NRXN1: variants seen among roughly 807,000 people sequenced by gnomAD.
NRXN1 encodes neurexin-1.
Under a neutral mutation model 150.9 loss-of-function variants are expected in NRXN1, and 39 were observed. The ratio of observed to expected loss-of-function variants is 0.26; its 90% CI spans 0.20 to 0.34. The LOEUF is 0.34. NRXN1 is among the 10% of genes least tolerant of loss of function. The pLI, the probability that NRXN1 is intolerant of heterozygous loss-of-function variation, is 1.00. For synonymous variants in NRXN1, 924 were observed against 757.0 expected, an observed-to-expected ratio of 1.22 and a Z score of -3.62; for missense variants, 1,815 against 1,949.9, an observed-to-expected ratio of 0.93 and a Z score of 1.30.
In NRXN1 at chr2:50,997,511, A is replaced by T. The variant is rs1457638556; in HGVS notation, c.772+29991T>A. 2.6e-5 allele frequency among the ~76,000 whole-genome samples: 3 copies of T among 114,156 alleles called. 1 individual carries two copies. The highest frequency in any genetic ancestry group is 1.5e-4 in the African/African-American group (3 of 20,360). 74.9% of individuals were successfully genotyped at this position (114,156 alleles called of 152,430 possible). ...AAATATTTGAAGGGGAAAACATTTTATTTTATTTATTTTATAGACAGGCTC... is the reference window on the plus strand; with the variant it reads ...AAATATTTGAAGGGGAAAACATTTTTTTTTATTTATTTTATAGACAGGCTC... On this transcript the variant is annotated intron_variant, in intron 2 of 22. Coordinates refer to ENST00000401669, the MANE Select transcript of NRXN1 (RefSeq NM_001330078.2).
intron 16 of NRXN1, among the ~76,000 whole-genome samples, chr2:50,471,337 T>C (rs1007653635): frequency 6.6e-6 from 1 of 151,788 alleles, no homozygotes; most frequent in African/African-American, 2.4e-5. Flanking sequence ...CTCCCACTTA[T>C]AAGTGAGTAA....
At position 50,553,030 on chromosome 2, in the gene NRXN1, G is replaced by A. The variant is rs756193396; in HGVS notation, c.1321-5C>T. 1 of 1,595,408 alleles carries A rather than the reference G, an allele frequency of 6.3e-7. No homozygotes were observed. Among genetic ancestry groups the A allele is most frequent in the Non-Finnish European group, 8.5e-7 (1 of 1,170,802 alleles). ...ATCATTATTTTTATATACAACCTGTGGGCAGAGGATAGCAGTGAGAAACTA... is the reference window on the plus strand; with the variant it reads ...ATCATTATTTTTATATACAACCTGTAGGCAGAGGATAGCAGTGAGAAACTA... On this transcript the variant is annotated splice_region_variant and splice_polypyrimidine_tract_variant and intron_variant, in intron 8 of 22. Transcript: ENST00000401669.
intron 5 of NRXN1, among the ~76,000 whole-genome samples, chr2:50,852,818 G>A (rs1021036481): frequency 6.6e-6 from 1 of 152,056 alleles, no homozygotes; most frequent in Non-Finnish European, 1.5e-5. Context: ...TTAAGAAAAT[G>A]TTCATCTGAA....
intron 15 of NRXN1, among the ~76,000 whole-genome samples, chr2:50,482,948 G>A (rs575294403): frequency 6.6e-6 from 1 of 151,204 alleles, no homozygotes; most frequent in South Asian, 2.1e-4. Flanking sequence ...CTATTTGGGA[G>A]GCTGAGGCAG....
chr2:50,683,502 G>T (rs1368642906), intron 5 of NRXN1, among the ~76,000 whole-genome samples: 1 of 148,174 alleles, frequency 6.7e-6, no homozygotes, highest in Non-Finnish European at 1.5e-5. Context: ...CACAGTGGCG[G>T]GCTCCTGTAG....
intron 2 of NRXN1, among the ~76,000 whole-genome samples, chr2:50,993,115 T>C (rs1698777130): frequency 6.6e-6 from 1 of 151,930 alleles, no homozygotes; most frequent in Non-Finnish European, 1.5e-5. Flanking sequence ...CATACATGTA[T>C]TAGGAGTAAG....
At chr2:50,785,851 G>A (rs1705041928) in intron 5 of NRXN1, among the ~76,000 whole-genome samples, 1 of 151,986 alleles carries the variant, frequency 6.6e-6, no homozygotes, top group South Asian at 2.1e-4. Context: ...AGTTGTGATT[G>A]GATCAGCCAA....
intron 21 of NRXN1, among the ~76,000 whole-genome samples, chr2:49,992,208 G>C (rs942052348): frequency 2.0e-5 from 3 of 152,016 alleles, no homozygotes; most frequent in Non-Finnish European, 2.9e-5. Flanking sequence ...TGATCCATGA[G>C]AGAAATAATT....
chr2:50,873,902 T>C (rs553046962), intron 5 of NRXN1, among the ~76,000 whole-genome samples: 33 of 151,892 alleles, frequency 2.2e-4, no homozygotes, highest in African/African-American at 6.7e-4. Context: ...ATGAAATAAA[T>C]TGCTATTAAT....
chr2:50,326,500 C>T (rs2076393079), intron 17 of NRXN1, among the ~76,000 whole-genome samples: 3 of 152,090 alleles, frequency 2.0e-5, no homozygotes, highest in African/African-American at 7.2e-5. Flanking sequence ...GCTGTAGGCT[C>T]AGGCATATAA....
chr2:50,745,804 G>C (rs2105301007), intron 5 of NRXN1, among the ~76,000 whole-genome samples: 1 of 152,240 alleles, frequency 6.6e-6, no homozygotes, highest in South Asian at 2.1e-4. Flanking sequence ...CATGAGAATA[G>C]CATGGGGGAA....
At chr2:49,991,488 C>A (rs1052214097) in intron 21 of NRXN1, among the ~76,000 whole-genome samples, 1 of 151,870 alleles carries the variant, frequency 6.6e-6, no homozygotes, top group African/African-American at 2.4e-5. Flanking sequence ...CATTAGCACC[C>A]CCCCAAAATG....
intron 8 of NRXN1, among the ~76,000 whole-genome samples, chr2:50,574,327 A>G (rs978751101): frequency 6.6e-6 from 1 of 152,028 alleles, no homozygotes; most frequent in African/African-American, 2.4e-5. Context: ...ATTGGCTGAT[A>G]TATTGGCTTT....
chr2:50,715,391 G>A (rs913798287), intron 5 of NRXN1, among the ~76,000 whole-genome samples: 2 of 152,094 alleles, frequency 1.3e-5, no homozygotes, highest in East Asian at 3.9e-4. Flanking sequence ...TCTATTGCCT[G>A]TGATTGTAAT....
intron 5 of NRXN1, among the ~76,000 whole-genome samples, chr2:50,782,870 T>C (rs915818626): frequency 2.0e-5 from 3 of 152,162 alleles, no homozygotes; most frequent in Admixed American, 1.3e-4. Context: ...GAAAGACTAA[T>C]AAATGGTGGC....
chr2:50,578,410 T>C (rs1325303456), intron 8 of NRXN1, among the ~76,000 whole-genome samples: 1 of 152,142 alleles, frequency 6.6e-6, no homozygotes, highest in African/African-American at 2.4e-5. Context: ...TTTTAAAAAA[T>C]TTGTTTTGAG....
At chr2:50,636,608 C>T in intron 5 of NRXN1, among the ~76,000 whole-genome samples, 1 of 152,168 alleles carries the variant, frequency 6.6e-6, no homozygotes. Flanking sequence ...CTGATGGCTG[C>T]TGCTTTTAAA....
intron 5 of NRXN1, chr2:50,918,753 C>CA (rs1033641287): frequency 1.3e-5 from 4 of 314,344 alleles, no homozygotes; most frequent in Admixed American, 5.1e-5. Flanking sequence ...TCAAGGCAAA[C>CA]AGATAAACCT....
intron 14 of NRXN1, 85 bp downstream of exon 14, chr2:50,497,248 T>G (rs892406232): frequency 7.5e-6 from 8 of 1,068,324 alleles, no homozygotes; most frequent in Non-Finnish European, 1.0e-5. Flanking sequence ...TGAGCCAGTA[T>G]GTTCTTCTTA....
Sources: gnomAD v4.1 joint callset for allele counts (sites outside exome capture counted in the v4.1 genomes callset) on GRCh38, gnomAD v4.1.1 for gene constraint, MANE v1.5 for transcripts, NCBI Gene and HGNC (gene_info 2026-07-23, HGNC 2026-07-21) for gene names.